The following NPLOC4 variants were observed in gnomAD, a reference collection of about 807,000 sequenced individuals.
NPLOC4 encodes the protein nuclear protein localization protein 4 homolog.
NPLOC4 carries 18 observed loss-of-function variants against 80.6 expected under a neutral mutation model. That is an observed-to-expected ratio of 0.22 (90% CI 0.15 to 0.33). The LOEUF is 0.33. Among genes scored for constraint, NPLOC4 ranks in the 10% least tolerant of loss-of-function variants. The pLI is 1.00. For missense variants in NPLOC4, 540 were observed against 786.1 expected (o/e 0.69, Z 3.74); for synonymous variants, 313 against 301.5 (o/e 1.04, Z -0.39).
chr17:81,593,576 G>GT (rs2034807804), intron 11 of NPLOC4, among the ~76,000 whole-genome samples: 2 of 151,968 alleles, frequency 1.3e-5, no homozygotes, highest in Admixed American at 6.6e-5. Context: ...TAGTAAAGGG[G>GT]TATCACAAAG....
At chr17:81,606,300 G>A (rs530547847) in intron 7 of NPLOC4, among the ~76,000 whole-genome samples, 21 of 152,190 alleles carry the variant, frequency 1.4e-4, no homozygotes, top group South Asian at 4.2e-4. Flanking sequence ...CAGAAAGGCC[G>A]GAACGCTCCC....
intron 12 of NPLOC4, among the ~76,000 whole-genome samples, chr17:81,586,048 G>A (rs927415865): frequency 6.6e-6 from 1 of 152,172 alleles, no homozygotes; most frequent in African/African-American, 2.4e-5. Flanking sequence ...ACTCTGTGAG[G>A]CTGAGGTGGG....
At chr17:81,605,929 T>C (rs578002451) in intron 7 of NPLOC4, among the ~76,000 whole-genome samples, 1 of 151,768 alleles carries the variant, frequency 6.6e-6, no homozygotes, top group South Asian at 2.1e-4. Context: ...CAAGTGATTC[T>C]CCTGCCTCAG....
Position 81,597,271 on chromosome 17 carries a change from C to A in NPLOC4, c.967G>T (p.Gly323Cys). Residue 323 changes from glycine (G) to cysteine (C), a missense_variant, in exon 10 of 17, where the codon GGT becomes TGT. By Grantham distance (159) the Gly-to-Cys change is radical. Transcript: ENST00000331134. ...TDLVSEDTRK[G>C]TVRYSRNKDT... ...TTATTTCGACTGTAGCGGACGGTAC[C>A]CTTTCGGGTATCTTCTGAGACGAGG... is the stretch of plus-strand genomic sequence containing the variant. The A allele has an allele frequency of 6.2e-7, 1 of 1,613,660 alleles. No homozygotes were observed. The highest frequency in any genetic ancestry group is 8.5e-7 in the Non-Finnish European group (1 of 1,179,624).
chr17:81,566,624 C>T (rs1240146910), intron 15 of NPLOC4: 1 of 152,252 alleles, frequency 6.6e-6, no homozygotes, highest in African/African-American at 2.4e-5. Context: ...AAAATACAGA[C>T]ACAAAATAAA....
At chr17:81,620,978 G>A (rs377553744) in intron 3 of NPLOC4, among the ~76,000 whole-genome samples, 2 of 150,968 alleles carry the variant, frequency 1.3e-5, no homozygotes, top group South Asian at 2.1e-4. Flanking sequence ...AGCTACGATC[G>A]CACCACCGCA....
At chr17:81,619,960 G>C (rs1228187897) in intron 3 of NPLOC4, among the ~76,000 whole-genome samples, 3 of 152,034 alleles carry the variant, frequency 2.0e-5, no homozygotes, top group Non-Finnish European at 4.4e-5. Context: ...TCTGTTTACC[G>C]CTTTGCATCG....
chr17:81,587,935 A>G (rs1259426012), intron 12 of NPLOC4, among the ~76,000 whole-genome samples: 4 of 152,030 alleles, frequency 2.6e-5, no homozygotes, highest in African/African-American at 9.7e-5. Flanking sequence ...TCGGCCTCCC[A>G]AAGTGCTGGG....
At chr17:81,634,647 G>A (rs950283629) in intron 1 of NPLOC4, among the ~76,000 whole-genome samples, 1 of 150,556 alleles carries the variant, frequency 6.6e-6, no homozygotes, top group Non-Finnish European at 1.5e-5. Flanking sequence ...GTGCAGTGGC[G>A]CAATCTGGGC....
Position 81,597,278 on chromosome 17 carries a change from G to A in NPLOC4, c.960C>T (p.Thr320=). ...GACTGTAGCGGACGGTACCCTTTCG[G>A]GTATCTTCTGAGACGAGGTCTGTAA... The part of the protein sequence containing the change: ...WIFTDLVSED[T]RKGTVRYSRN... The change falls in exon 10 of 17, where the codon ACC becomes ACT. Residue 320 remains threonine (T), a synonymous_variant. Coordinates refer to ENST00000331134, the MANE Select transcript of NPLOC4 (RefSeq NM_017921.4). 1 of 1,613,334 alleles carries A rather than the reference G, an allele frequency of 6.2e-7. No homozygotes were observed. Among genetic ancestry groups the A allele is most frequent in the South Asian group, 1.1e-5 (1 of 91,064 alleles).
chr17:81,623,634 T>TA (rs2035725092), intron 2 of NPLOC4, among the ~76,000 whole-genome samples: 1 of 150,380 alleles, frequency 6.6e-6, no homozygotes, highest in African/African-American at 2.4e-5. Flanking sequence ...CCGTCTCTAC[T>TA]AAAAATACAA....
Position 81,622,078 on chromosome 17 carries a change from G to A in NPLOC4, c.209+88C>T, listed in dbSNP as rs551920097. 4.9e-4 allele frequency: 431 copies of A among 877,020 alleles called. 12 individuals carry two copies. The South Asian group carries it at 5.6e-3, about 11-fold the overall frequency. 54.3% of individuals were successfully genotyped at this position (877,020 alleles called of 1,614,324 possible). On this transcript the variant is annotated intron_variant, in intron 3 of 16. Coordinates refer to ENST00000331134, the MANE Select transcript of NPLOC4 (RefSeq NM_017921.4). ...AAGACCATAATGAGTGGTGTGATGA[G>A]GAAAGAGGATAAAACTCGGCAACCT...
chr17:81,625,564 AG>A (rs1159148004), intron 2 of NPLOC4, among the ~76,000 whole-genome samples: 1 of 152,216 alleles, frequency 6.6e-6, no homozygotes, highest in Non-Finnish European at 1.5e-5. Context: ...TATCAGCAGA[AG>A]GGAGAGAGCA....
At position 81,572,060 on chromosome 17, in the gene NPLOC4, G is replaced by A. The variant is rs781641282; in HGVS notation, c.1310C>T (p.Thr437Ile). 3.7e-6 allele frequency: 6 copies of A among 1,609,446 alleles called. No individual in the cohort carries two copies. The highest frequency in any genetic ancestry group is 1.7e-5 in the Admixed American group (1 of 59,782). ...KDVDKFGNEI[T>I]QLARPLPVEY... Reference sequence around the variant, plus strand: ...CACAGGCAGGGGCCGGGCCAGCTGGGTGATCTCGTTGCCAAACTTGTCTAC... The same window carrying A: ...CACAGGCAGGGGCCGGGCCAGCTGGATGATCTCGTTGCCAAACTTGTCTAC... Residue 437 changes from threonine to isoleucine, a missense_variant, in exon 13 of 17, where the codon ACC becomes ATC. Physicochemically the swap from Thr to Ile is moderately conservative, Grantham distance 89 (BLOSUM62 -1). Around this residue, in one of 6 missense-constraint regions of NPLOC4, gnomAD observed 251 missense variants for 377.5 expected, o/e 0.66. Transcript: ENST00000331134. This position sits in a 1 kb window ranked among gnomAD's most constrained non-coding sequence, Gnocchi z 4.5.
At chr17:81,591,336 G>A (rs2034732656) in intron 11 of NPLOC4, among the ~76,000 whole-genome samples, 1 of 151,240 alleles carries the variant, frequency 6.6e-6, no homozygotes, top group South Asian at 2.1e-4. Flanking sequence ...TCAGGAGGCA[G>A]AGGCAGGAGA....
At chr17:81,596,877 G>A (rs956464718) in intron 10 of NPLOC4, among the ~76,000 whole-genome samples, 7 of 152,140 alleles carry the variant, frequency 4.6e-5, no homozygotes, top group Non-Finnish European at 2.9e-5. Flanking sequence ...CACTCTGGGA[G>A]GCCAAGGCAG....
At chr17:81,584,995 C>A (rs11870789) in intron 12 of NPLOC4, among the ~76,000 whole-genome samples, 21,583 of 151,186 alleles carry the variant, frequency 0.14, 1,817 homozygotes, top group Admixed American at 0.23. Flanking sequence ...CATGGTGAAA[C>A]CCTGTCTCTA....
At chr17:81,617,636 C>T (rs1167133926) in intron 3 of NPLOC4, among the ~76,000 whole-genome samples, 4 of 151,314 alleles carry the variant, frequency 2.6e-5, no homozygotes, top group East Asian at 2.0e-4. Flanking sequence ...GGTGAGATCC[C>T]GTCTCTATTA....
At chr17:81,619,088 C>G (rs1469300448) in intron 3 of NPLOC4, among the ~76,000 whole-genome samples, 18 of 152,188 alleles carry the variant, frequency 1.2e-4, no homozygotes. Context: ...GGGTCCTCTG[C>G]CTAGGAAAAC....
Sources: gnomAD v4.1 joint callset for allele counts (sites outside exome capture counted in the v4.1 genomes callset) on GRCh38, gnomAD v4.1.1 for gene constraint, gnomAD v4.1.1 regional missense constraint, Gnocchi (gnomAD v3.1) non-coding constraint, MANE v1.5 for transcripts, NCBI Gene and HGNC (gene_info 2026-07-23, HGNC 2026-07-21) for gene names.